Variants in MAPK10 observed in about 807,000 individuals in gnomAD.
MAPK10 encodes mitogen-activated protein kinase 10.
In MAPK10, 25 loss-of-function variants were observed where a neutral mutation model predicts 59.3. That is an observed-to-expected ratio of 0.42 (90% CI 0.31 to 0.59). MAPK10 has a LOEUF of 0.59. MAPK10 is among the 20% of genes least tolerant of loss of function. The pLI, the probability that MAPK10 is intolerant of heterozygous loss-of-function variation, is 0.15. For missense variants in MAPK10, 351 were observed against 568.9 expected (o/e 0.62, Z 3.90); for synonymous variants, 190 against 200.5 (o/e 0.95, Z 0.44).
At chr4:86,318,874 A>ATTT (rs1270250384) in intron 2 of MAPK10, among the ~76,000 whole-genome samples, 10 of 151,990 alleles carry the variant, frequency 6.6e-5, no homozygotes, top group African/African-American at 2.4e-4. Flanking sequence ...AACAGGTTGC[A>ATTT]TAATCTCTCT....
At chr4:86,497,144 C>G (rs770252178) in intron 1 of MAPK10, among the ~76,000 whole-genome samples, 2 of 152,186 alleles carry the variant, frequency 1.3e-5, no homozygotes, top group African/African-American at 2.4e-5. Context: ...AGTTATATTT[C>G]ACATAAACAG....
chr4:86,256,212 C>T (rs575964237), intron 2 of MAPK10, among the ~76,000 whole-genome samples: 1 of 152,282 alleles, frequency 6.6e-6, no homozygotes, highest in South Asian at 2.1e-4. Flanking sequence ...CAACCAATCT[C>T]ATACTTGGCC....
intron 3 of MAPK10, among the ~76,000 whole-genome samples, chr4:86,190,910 C>T (rs562601296): frequency 6.6e-6 from 1 of 152,300 alleles, no homozygotes; most frequent in East Asian, 1.9e-4. Flanking sequence ...CTAACCACTG[C>T]TTTAGCTGTC....
rs529898847 is a variant in MAPK10, at chr4:86,566,070, T to C, written c.-263+27840A>G. ...TTCCAATCATCTCCCTACCAAAAGA[T>C]TTGCACATATTAACATCCTTGTGGA... is the stretch of plus-strand genomic sequence containing the variant. On this transcript the variant is annotated intron_variant, in intron 1 of 4. Coordinates refer to the MAPK10 transcript ENST00000502302. Among the ~76,000 whole-genome samples, 4 of 152,308 alleles carry C rather than the reference T, an allele frequency of 2.6e-5. No individual in the cohort carries two copies. The South Asian group carries it at 8.3e-4, about 32-fold the overall frequency.
At position 86,270,331 on chromosome 4, in the gene MAPK10, G is replaced by A. The variant is rs72865373; in HGVS notation, c.-6-75924C>T. Among the ~76,000 whole-genome samples the A allele has an allele frequency of 1.5e-3, 226 of 151,614 alleles. 1 individual carries two copies. Among genetic ancestry groups the A allele is most frequent in the Middle Eastern group, 0.01 (3 of 292 alleles). The stretch of plus-strand genomic sequence containing the variant: ...TTTCGTTTACTCTTTACCTAAAACA[G>A]GAAACAGTGAAGAAATATGAGCAAT... On this transcript the variant is annotated intron_variant, in intron 2 of 13. Transcript: ENST00000641462.
chr4:86,199,485 A>G (rs2082138471), intron 2 of MAPK10, among the ~76,000 whole-genome samples: 1 of 152,002 alleles, frequency 6.6e-6, no homozygotes, highest in Admixed American at 6.6e-5. Context: ...ATTTAAGAAT[A>G]TTGCTTTAGT....
intron 1 of MAPK10, among the ~76,000 whole-genome samples, chr4:86,462,165 A>G (rs2149061779): frequency 6.6e-6 from 1 of 152,352 alleles, no homozygotes; most frequent in South Asian, 2.1e-4. Context: ...GAACCCCCAC[A>G]AAAGGTCCCA....
At chr4:86,501,929 C>T (rs778185131) in intron 1 of MAPK10, among the ~76,000 whole-genome samples, 3 of 151,978 alleles carry the variant, frequency 2.0e-5, no homozygotes, top group Non-Finnish European at 4.4e-5. Flanking sequence ...CAAAAAAGCA[C>T]AAAGTTAACA....
chr4:86,180,497 AAAAAAAG>A (rs1255011447), intron 3 of MAPK10, among the ~76,000 whole-genome samples: 1 of 138,290 alleles, frequency 7.2e-6, no homozygotes, highest in Non-Finnish European at 1.5e-5. Flanking sequence ...ATCAAAAAAA[AAAAAAAG>A]AAGAAGAAAA....
intron 2 of MAPK10, among the ~76,000 whole-genome samples, chr4:86,260,205 G>A (rs2093931571): frequency 6.6e-6 from 1 of 152,130 alleles, no homozygotes; most frequent in African/African-American, 2.4e-5. Context: ...TTGGACCCAG[G>A]CTGTTTGATT....
intron 1 of MAPK10, among the ~76,000 whole-genome samples, chr4:86,514,514 C>G (rs1756513647): frequency 6.6e-6 from 1 of 152,156 alleles, no homozygotes; most frequent in South Asian, 2.1e-4. Context: ...AGAGTCCCCT[C>G]TATTGGTTTT....
intron 2 of MAPK10, among the ~76,000 whole-genome samples, chr4:86,324,841 C>T (rs971778424): frequency 2.0e-5 from 3 of 152,150 alleles, no homozygotes; most frequent in Non-Finnish European, 4.4e-5. Flanking sequence ...TTCTAAAATA[C>T]TATCTTTATA....
intron 13 of MAPK10, chr4:86,025,296 T>C: frequency 2.6e-6 from 1 of 385,730 alleles, no homozygotes. Context: ...ACTATTTGCT[T>C]CTGTATGACT....
chr4:86,107,035 G>A (rs781087952), intron 5 of MAPK10, 188 bp downstream of exon 5: 6 of 424,448 alleles, frequency 1.4e-5, no homozygotes, highest in Non-Finnish European at 2.5e-5. Context: ...ATGGTTTTTA[G>A]GTGATTTTTA....
intron 1 of MAPK10, among the ~76,000 whole-genome samples, chr4:86,491,182 C>T (rs1754427751): frequency 6.6e-6 from 1 of 152,148 alleles, no homozygotes; most frequent in African/African-American, 2.4e-5. Flanking sequence ...TGGATGAAAG[C>T]ATCCCACAGA....
intron 11 of MAPK10, among the ~76,000 whole-genome samples, chr4:86,062,770 A>T (rs978646836): frequency 6.6e-6 from 1 of 152,082 alleles, no homozygotes; most frequent in Non-Finnish European, 1.5e-5. Context: ...TTTTGTAAAC[A>T]TATACATCAT....
At chr4:86,530,043 C>A (rs1757745989) in intron 1 of MAPK10, among the ~76,000 whole-genome samples, 2 of 149,738 alleles carry the variant, frequency 1.3e-5, no homozygotes, top group African/African-American at 4.9e-5. Context: ...TTAATCTACT[C>A]AAGGGGCTTT....
chr4:86,555,204 T>C (rs1340576509), intron 1 of MAPK10, among the ~76,000 whole-genome samples: 2 of 152,224 alleles, frequency 1.3e-5, no homozygotes, highest in Non-Finnish European at 2.9e-5. Flanking sequence ...TCCTAGCACT[T>C]TGGGAGGCCG....
chr4:86,052,340 C>A (rs994373814), intron 11 of MAPK10, among the ~76,000 whole-genome samples: 1 of 152,064 alleles, frequency 6.6e-6, no homozygotes, highest in Non-Finnish European at 1.5e-5. Flanking sequence ...TCCCCTCCCC[C>A]CATCCACTGA....
Sources: gnomAD v4.1 joint callset for allele counts (sites outside exome capture counted in the v4.1 genomes callset) on GRCh38, gnomAD v4.1.1 for gene constraint, MANE v1.5 for transcripts, NCBI Gene and HGNC (gene_info 2026-07-23, HGNC 2026-07-21) for gene names.